The following SOS1 variants were observed in gnomAD, a reference collection of about 807,000 sequenced individuals.
SOS1 encodes the protein son of sevenless homolog 1.
Under a neutral mutation model 157.6 loss-of-function variants are expected in SOS1, and 25 were observed. The observed-to-expected ratio is 0.16, with a 90% CI of 0.12 to 0.22. The LOEUF is 0.22. Ranked by LOEUF, SOS1 falls within the 10% of genes least tolerant of loss-of-function variation. SOS1 has a pLI of 1.00. For synonymous variants in SOS1, 528 were observed against 534.0 expected (o/e 0.99, Z 0.16); for missense variants, 1,237 against 1,599.1 (o/e 0.77, Z 3.86).
At chr2:39,011,522 C>T (rs6725644) in intron 14 of SOS1, among the ~76,000 whole-genome samples, 140,772 of 152,246 alleles carry the variant, frequency 0.92, 65,181 homozygotes, top group African/African-American at 0.94. Flanking sequence ...TTCAGAAATA[C>T]GATTTTCAGT....
chr2:39,038,959 C>T (rs1025260529), intron 6 of SOS1, among the ~76,000 whole-genome samples: 8 of 151,880 alleles, frequency 5.3e-5, no homozygotes, highest in Non-Finnish European at 7.4e-5. Context: ...AAAGAAAGAG[C>T]GAACAGTTGT....
intron 1 of SOS1, among the ~76,000 whole-genome samples, chr2:39,074,251 G>A (rs913135546): frequency 2.0e-5 from 3 of 151,786 alleles, no homozygotes; most frequent in Non-Finnish European, 2.9e-5. Flanking sequence ...TGGGGAGGCT[G>A]AGACAGGAGA....
chr2:39,076,034 A>G, intron 1 of SOS1, among the ~76,000 whole-genome samples: 1 of 152,230 alleles, frequency 6.6e-6, no homozygotes, highest in East Asian at 1.9e-4. Context: ...TGTGCTGTGT[A>G]CAACTGACAT....
At chr2:38,995,661 T>C (rs564991514) in intron 19 of SOS1, among the ~76,000 whole-genome samples, 4 of 152,224 alleles carry the variant, frequency 2.6e-5, no homozygotes, top group Non-Finnish European at 5.9e-5. Flanking sequence ...TACATTTGGG[T>C]AGAAGTTTTT....
intron 1 of SOS1, among the ~76,000 whole-genome samples, chr2:39,109,356 A>G (rs1673328639): frequency 1.3e-5 from 2 of 152,092 alleles, no homozygotes; most frequent in Admixed American, 1.3e-4. Context: ...CTTTCCATTA[A>G]CCAGCATCTT....
chr2:39,048,403 C>CT (rs918701770), intron 6 of SOS1, among the ~76,000 whole-genome samples: 80 of 146,782 alleles, frequency 5.5e-4, no homozygotes, highest in African/African-American at 1.3e-3. Context: ...TTAAGATTTT[C>CT]TTTTTTTTTT....
At chr2:39,008,467 A>G (rs1182721228) in intron 15 of SOS1, among the ~76,000 whole-genome samples, 1 of 152,212 alleles carries the variant, frequency 6.6e-6, no homozygotes, top group African/African-American at 2.4e-5. Flanking sequence ...TTTAAATTTA[A>G]TGGTGCCCTT....
chr2:39,010,697 T>C lies in SOS1; in HGVS notation c.2397A>G (p.Val799=). 6.2e-7 allele frequency: 1 copy of C among 1,606,910 alleles called. No homozygotes were observed. Among genetic ancestry groups the C allele is most frequent in the Non-Finnish European group, 8.5e-7 (1 of 1,173,570 alleles). The change falls in exon 15 of 23, where the codon GTA becomes GTG. Residue 799 remains valine, a synonymous_variant. Coordinates refer to ENST00000402219, the MANE Select transcript of SOS1 (RefSeq NM_005633.4). ...TLLESDLYRA[V]QPSELVGSVW... ...CACTTCCAACTAATTCTGATGGCTG[T>C]ACAGCTCTAAAATCATCAATACATA...
At chr2:39,028,163 A>G (rs981838104) in intron 8 of SOS1, among the ~76,000 whole-genome samples, 1 of 152,222 alleles carries the variant, frequency 6.6e-6, no homozygotes, top group African/African-American at 2.4e-5. Flanking sequence ...AGATGATAAA[A>G]TTTAACTTTT....
chr2:39,000,182 C>T (rs2124485338), intron 17 of SOS1, among the ~76,000 whole-genome samples: 1 of 152,286 alleles, frequency 6.6e-6, no homozygotes, highest in African/African-American at 2.4e-5. Context: ...ATAAGTAGCA[C>T]TTTGGTACAG....
chr2:39,102,586 T>C (rs1285220603), intron 1 of SOS1, among the ~76,000 whole-genome samples: 2 of 129,190 alleles, frequency 1.5e-5, no homozygotes, highest in African/African-American at 2.9e-5. Context: ...AAAAGGGTTA[T>C]AGGTGAGGGG....
intron 1 of SOS1, among the ~76,000 whole-genome samples, chr2:39,069,167 G>C (rs558223864): frequency 9.6e-6 from 1 of 104,186 alleles, no homozygotes; most frequent in East Asian, 3.5e-4. Flanking sequence ...GCAACACAGG[G>C]AAAACCTGTC....
At chr2:39,047,854 G>A (rs1050173369) in intron 6 of SOS1, among the ~76,000 whole-genome samples, 3 of 152,062 alleles carry the variant, frequency 2.0e-5, no homozygotes, top group African/African-American at 7.2e-5. Context: ...TTTTAATAGA[G>A]ACAGGGTTTC....
At chr2:39,051,049 T>A in intron 6 of SOS1, 95 bp downstream of exon 6, 4 of 1,092,086 alleles carry the variant, frequency 3.7e-6, no homozygotes, top group Non-Finnish European at 5.6e-6. Flanking sequence ...ACAATTAGTA[T>A]CTATGACTTT....
chr2:39,089,588 A>C (rs1227346955), intron 1 of SOS1, among the ~76,000 whole-genome samples: 3 of 151,856 alleles, frequency 2.0e-5, no homozygotes, highest in Non-Finnish European at 4.4e-5. Flanking sequence ...GCTCCCAATG[A>C]CCAACGCTGC....
chr2:39,018,646 A>G (rs1056236154), intron 10 of SOS1, among the ~76,000 whole-genome samples: 20 of 151,768 alleles, frequency 1.3e-4, no homozygotes, highest in Non-Finnish European at 2.4e-4. Context: ...TTATGTGCCT[A>G]TTTTGATTGA....
chr2:39,061,117 G>A (rs1286558742), intron 2 of SOS1, among the ~76,000 whole-genome samples: 1 of 151,888 alleles, frequency 6.6e-6, no homozygotes, highest in Non-Finnish European at 1.5e-5. Flanking sequence ...TTTTTAAAAA[G>A]GCAAAGTGGT....
chr2:39,012,079 T>C (rs751578288), intron 14 of SOS1, 47 bp downstream of exon 14: 4 of 1,319,872 alleles, frequency 3.0e-6, no homozygotes, highest in Non-Finnish European at 4.4e-6. Context: ...ATTTTAAAAG[T>C]TAACTCTTTT....
At chr2:39,023,797 C>T in intron 9 of SOS1, 1 of 510,048 alleles carries the variant, frequency 2.0e-6, no homozygotes, top group East Asian at 3.5e-5. Context: ...CTCAGGAGGT[C>T]TTGTCTGGGA....
Sources: gnomAD v4.1 joint callset for allele counts (sites outside exome capture counted in the v4.1 genomes callset) on GRCh38, gnomAD v4.1.1 for gene constraint, MANE v1.5 for transcripts, NCBI Gene and HGNC (gene_info 2026-07-23, HGNC 2026-07-21) for gene names.